RNF217: variants seen among roughly 807,000 people sequenced by gnomAD.
RNF217 encodes the protein E3 ubiquitin-protein ligase RNF217.
In RNF217, 31 loss-of-function variants were observed where a neutral mutation model predicts 57.8. The ratio of observed to expected loss-of-function variants is 0.54; its 90% confidence interval spans 0.40 to 0.72. The LOEUF is 0.72. RNF217 is among the 30% of genes least tolerant of loss of function. The pLI, the probability that RNF217 is intolerant of heterozygous loss-of-function variation, is 0.00. For missense variants in RNF217, 696 were observed against 708.3 expected (o/e 0.98, Z 0.20); for synonymous variants, 313 against 294.0 (o/e 1.06, Z -0.66).
Position 124,963,083 on chromosome 6 carries a change from A to G in RNF217, c.539A>G (p.Glu180Gly). The change falls in exon 1 of 6, where the codon GAG becomes GGG. Residue 180 changes from glutamate (E) to glycine (G), a missense_variant. Glu to Gly is a moderately conservative substitution (Grantham distance 98, BLOSUM62 -2). Coordinates refer to ENST00000521654, the MANE Select transcript of RNF217 (RefSeq NM_001286398.3). ...GACCTGCCCGAGGCCCCCGCCTCGG[A>G]GCAGCTCTCGCCGCCCGCGTCGCCA... ...ESDLPEAPASEQLSPPASPPG... is the reference protein window; with the variant it reads ...ESDLPEAPASGQLSPPASPPG... The G allele has an allele frequency of 6.4e-7, 1 of 1,551,898 alleles. No individual in the cohort carries two copies. Among genetic ancestry groups the G allele is most frequent in the Non-Finnish European group, 8.6e-7 (1 of 1,156,476 alleles).
At chr6:124,988,980 A>G (rs1023471208) in intron 1 of RNF217, among the ~76,000 whole-genome samples, 3 of 152,124 alleles carry the variant, frequency 2.0e-5, no homozygotes, top group African/African-American at 7.2e-5. Flanking sequence ...CTCTTTGAAC[A>G]GGGGTATCAC....
chr6:125,052,991 C>T (rs1440078678), intron 2 of RNF217, among the ~76,000 whole-genome samples: 24 of 152,100 alleles, frequency 1.6e-4, no homozygotes, highest in Admixed American at 1.6e-3. Flanking sequence ...AGTGACATCT[C>T]TGTTCAGGCT....
At chr6:124,993,899 G>A (rs1367670984) in intron 1 of RNF217, among the ~76,000 whole-genome samples, 1 of 152,186 alleles carries the variant, frequency 6.6e-6, no homozygotes, top group Non-Finnish European at 1.5e-5. Context: ...ATCCTCTGGA[G>A]AGGTGAGTGG....
chr6:125,052,322 T>TG (rs1787355320), intron 2 of RNF217, among the ~76,000 whole-genome samples: 2 of 112,404 alleles, frequency 1.8e-5, no homozygotes, highest in African/African-American at 5.7e-5. Context: ...GTGTGTGTGG[T>TG]TTTATTTGTT....
intron 1 of RNF217, among the ~76,000 whole-genome samples, chr6:125,042,339 T>C (rs911897724): frequency 6.6e-6 from 1 of 152,060 alleles, no homozygotes; most frequent in Admixed American, 6.6e-5. Flanking sequence ...AAGAGACTCA[T>C]ATCCATTGTT....
chr6:124,991,443 C>G (rs565446610), intron 1 of RNF217, among the ~76,000 whole-genome samples: 2 of 152,344 alleles, frequency 1.3e-5, no homozygotes, highest in African/African-American at 2.4e-5. Flanking sequence ...TCATCCCCCC[C>G]ATACCAGCAT....
chr6:125,006,724 G>A lies in RNF217; in HGVS notation c.883-38487G>A, dbSNP rs549893227. ...AGCACTTTGGGAGGCCAAGGTGGGC[G>A]GATCACCTGAGGTCAGGAGTTCAAG... On this transcript the variant is annotated intron_variant, in intron 1 of 5. Transcript: ENST00000521654. 3.3e-4 allele frequency among the ~76,000 whole-genome samples: 50 copies of A among 152,288 alleles called. No individual in the cohort carries two copies. The South Asian group carries it at 8.1e-3, about 25-fold the overall frequency.
At position 124,962,730 on chromosome 6, in the gene RNF217, GGACACCAGCGCCCCAGA is replaced by G. The variant is rs751787301; in HGVS notation, c.188_204del (p.Asp63AlafsTer12). On this transcript the variant is annotated frameshift_variant, in exon 1 of 6. Transcript: ENST00000521654. LOFTEE classifies it high-confidence loss of function. This position sits in a 1 kb window ranked among gnomAD's most constrained non-coding sequence, Gnocchi z 4.6. ...GCTGCGGAAGCGACTGGGGCTGCGC[GGACACCAGCGCCCCAGA>G]GCCCGCGAGGAGCCTGGGGCCCCCG... The G allele has an allele frequency of 4.7e-5, 74 of 1,558,862 alleles. 1 individual carries two copies. Among genetic ancestry groups the G allele is most frequent in the Non-Finnish European group, 6.2e-5 (72 of 1,162,914 alleles).
intron 3 of RNF217, among the ~76,000 whole-genome samples, chr6:125,067,020 C>T (rs561365): frequency 2.3e-3 from 351 of 152,042 alleles, no homozygotes; most frequent in Non-Finnish European, 4.3e-3. Context: ...GGGTTCATGG[C>T]GAAAGGACTC....
intron 2 of RNF217, among the ~76,000 whole-genome samples, chr6:125,053,228 G>A (rs1787393238): frequency 6.6e-6 from 1 of 152,028 alleles, no homozygotes; most frequent in African/African-American, 2.4e-5. Flanking sequence ...GTTACTATAT[G>A]CCTTTATAGC....
intron 2 of RNF217, among the ~76,000 whole-genome samples, chr6:125,052,320 GGT>G (rs1787355039): frequency 2.8e-5 from 4 of 141,306 alleles, no homozygotes; most frequent in African/African-American, 1.2e-4. Flanking sequence ...GTGTGTGTGT[GGT>G]TTTATTTGTT....
intron 1 of RNF217, among the ~76,000 whole-genome samples, chr6:124,983,993 A>G (rs1348452803): frequency 2.0e-5 from 3 of 152,144 alleles, no homozygotes; most frequent in Admixed American, 6.5e-5. Flanking sequence ...AGCTCTCTGA[A>G]GCCTCTTTTG....
intron 3 of RNF217, among the ~76,000 whole-genome samples, chr6:125,058,844 T>G (rs1481449346): frequency 1.3e-5 from 2 of 152,184 alleles, no homozygotes; most frequent in Non-Finnish European, 2.9e-5. Flanking sequence ...AAAATCTTAC[T>G]GTAGAAAATC....
Position 125,034,410 on chromosome 6 carries a change from A to G in RNF217, c.883-10801A>G, listed in dbSNP as rs1039483266. 1.4e-4 allele frequency among the ~76,000 whole-genome samples: 22 copies of G among 152,268 alleles called. No individual in the cohort carries two copies. In the South Asian group the frequency reaches 4.3e-3, roughly 30 times the overall value. On this transcript the variant is annotated intron_variant, in intron 1 of 5. Coordinates refer to ENST00000521654, the MANE Select transcript of RNF217 (RefSeq NM_001286398.3). ...AAGGGATCCAGTTTCAGCTTTCTCC[A>G]TATGGCTAGCCAGTTTTCCCAGCAC...
rs142364966 is a variant in RNF217, at chr6:124,991,556, C to T, written c.882+28130C>T. ...TTCATTTTTGTTGTCTTTTTCTCCC[C>T]GCAAGGCTGTAGGCCATGAGGATAA... On this transcript the variant is annotated intron_variant, in intron 1 of 5. Coordinates refer to ENST00000521654, the MANE Select transcript of RNF217 (RefSeq NM_001286398.3). 2.8e-3 allele frequency among the ~76,000 whole-genome samples: 421 copies of T among 152,154 alleles called. 3 individuals are homozygous for T. The highest frequency in any genetic ancestry group is 9.0e-3 in the African/African-American group (372 of 41,524).
chr6:125,051,299 G>T (rs757315971), intron 2 of RNF217, among the ~76,000 whole-genome samples: 9 of 151,708 alleles, frequency 5.9e-5, no homozygotes, highest in South Asian at 4.2e-4. Flanking sequence ...TGGGTCTTTA[G>T]CACAATGAAC....
At chr6:125,062,809 C>T (rs558691086) in intron 3 of RNF217, among the ~76,000 whole-genome samples, 6 of 152,250 alleles carry the variant, frequency 3.9e-5, no homozygotes, top group South Asian at 4.1e-4. Flanking sequence ...CTCCTGATCT[C>T]AGGTGATCCG....
At chr6:125,037,674 T>C (rs1223772170) in intron 1 of RNF217, among the ~76,000 whole-genome samples, 2 of 152,168 alleles carry the variant, frequency 1.3e-5, no homozygotes, top group African/African-American at 2.4e-5. Flanking sequence ...CAATCTGCCC[T>C]GATGGTGCAC....
intron 1 of RNF217, among the ~76,000 whole-genome samples, chr6:124,978,041 G>C (rs371420255): frequency 2.6e-5 from 4 of 151,968 alleles, no homozygotes; most frequent in East Asian, 3.9e-4. Flanking sequence ...AAAAAATACT[G>C]AGCACAAAAT....
Sources: gnomAD v4.1 joint callset for allele counts (sites outside exome capture counted in the v4.1 genomes callset) on GRCh38, gnomAD v4.1.1 for gene constraint, Gnocchi (gnomAD v3.1) non-coding constraint, MANE v1.5 for transcripts, NCBI Gene and HGNC (gene_info 2026-07-23, HGNC 2026-07-21) for gene names.